Variants in MYO7B observed in about 807,000 individuals in gnomAD.
MYO7B encodes unconventional myosin-VIIb.
Under a neutral mutation model 259.7 loss-of-function variants are expected in MYO7B, and 212 were observed. The observed-to-expected ratio is 0.82, with a 90% CI of 0.73 to 0.91. MYO7B has a LOEUF of 0.91. MYO7B is among the 40% of genes least tolerant of loss of function. The probability of loss-of-function intolerance (pLI) is 0.00; values close to 1 mark genes in which losing one functional copy is unlikely to be tolerated. For missense variants in MYO7B, 2,732 were observed against 2,813.5 expected (o/e 0.97, Z 0.66); for synonymous variants, 1,197 against 1,166.4 (o/e 1.03, Z -0.54).
At chr2:127,583,939 G>A (rs1245375471) in intron 12 of MYO7B, among the ~76,000 whole-genome samples, 183 bp from the exon 13 acceptor site, 3 of 132,014 alleles carry the variant, frequency 2.3e-5, no homozygotes, top group Non-Finnish European at 5.2e-5. Context: ...AGTGATGGAG[G>A]CAGACAGAGG....
chr2:127,546,227 T>A lies in MYO7B; in HGVS notation c.-24+10396T>A, dbSNP rs573892556. 2.6e-5 allele frequency among the ~76,000 whole-genome samples: 4 copies of A among 152,330 alleles called. No homozygotes were observed. Among genetic ancestry groups the A allele is most frequent in the African/African-American group, 9.6e-5 (4 of 41,580 alleles). Reference sequence around the variant, plus strand: ...GGTATCCCATAGGCCAGAGTCTCAATGTTAGCTTTGCTTCTTGGACCCCTG... The same window carrying A: ...GGTATCCCATAGGCCAGAGTCTCAAAGTTAGCTTTGCTTCTTGGACCCCTG... On this transcript the variant is annotated intron_variant, in intron 1 of 47. Transcript: ENST00000409816. This position sits in a 1 kb window ranked among gnomAD's most constrained non-coding sequence, Gnocchi z 4.2.
chr2:127,631,166 G>T (rs1158413112), intron 36 of MYO7B, 40 bp from the exon 37 acceptor site: 1 of 1,544,052 alleles, frequency 6.5e-7, no homozygotes, highest in Non-Finnish European at 8.8e-7. Flanking sequence ...GGACAGAGAA[G>T]GCCACAGGGC....
chr2:127,547,614 G>A (rs1693286252), intron 1 of MYO7B, among the ~76,000 whole-genome samples: 1 of 152,180 alleles, frequency 6.6e-6, no homozygotes, highest in Non-Finnish European at 1.5e-5. Context: ...TGGGAGGCAT[G>A]ACACGGTCAA....
rs542089962 is a variant in MYO7B, at chr2:127,619,374, G to T, written c.3399-966G>T. On this transcript the variant is annotated intron_variant, in intron 26 of 47. Transcript: ENST00000409816. Reference sequence around the variant, plus strand: ...CTGGGTGGTGGGCGCCAGCTGAGTAGTGGGTGCCGGCTGGGTGGTGGGGGC... The same window carrying T: ...CTGGGTGGTGGGCGCCAGCTGAGTATTGGGTGCCGGCTGGGTGGTGGGGGC... Among the ~76,000 whole-genome samples the T allele has an allele frequency of 4.1e-5, 6 of 144,810 alleles. No homozygotes were observed. The South Asian group carries it at 6.8e-4, about 16-fold the overall frequency.
chr2:127,588,519 C>A lies in MYO7B; in HGVS notation c.1818C>A (p.Thr606=), dbSNP rs755237539. 1.2e-6 allele frequency: 2 copies of A among 1,613,188 alleles called. No homozygotes were observed. Among genetic ancestry groups the A allele is most frequent in the Non-Finnish European group, 1.7e-6 (2 of 1,179,874 alleles). Residue 606 remains threonine, a synonymous_variant, in exon 15 of 48, where the codon ACC becomes ACA. Transcript: ENST00000409816. The stretch of plus-strand genomic sequence containing the variant: ...CAGAGACCAAGCTGGGCCATGGGAC[C>A]ATCCGCCAGGCAAAGGCAGGAAACC... The part of the protein sequence containing the change: ...ELAETKLGHG[T]IRQAKAGNHL...
At chr2:127,634,572 T>C in intron 41 of MYO7B, 24 bp from the exon 42 acceptor site, 1 of 1,598,838 alleles carries the variant, frequency 6.3e-7, no homozygotes. Flanking sequence ...CCACCCAACT[T>C]CCCTGTACCT....
intron 40 of MYO7B, among the ~76,000 whole-genome samples, chr2:127,633,900 C>T (rs1681650381): frequency 6.6e-6 from 1 of 152,188 alleles, no homozygotes; most frequent in Non-Finnish European, 1.5e-5. Flanking sequence ...CCTTGATATT[C>T]GGGTCCCGGT....
At chr2:127,573,061 TCTG>T (rs1158896214) in intron 6 of MYO7B, among the ~76,000 whole-genome samples, 1 of 152,184 alleles carries the variant, frequency 6.6e-6, no homozygotes, top group Non-Finnish European at 1.5e-5. Context: ...TCTCAGAGGC[TCTG>T]CTGTGCATTG....
At position 127,615,996 on chromosome 2, in the gene MYO7B, C is replaced by G. The variant is rs183620191; in HGVS notation, c.3398+3393C>G. 6.6e-6 allele frequency among the ~76,000 whole-genome samples: 1 copy of G among 152,326 alleles called. No individual in the cohort carries two copies. Among genetic ancestry groups the G allele is most frequent in the East Asian group, 1.9e-4 (1 of 5,194 alleles). Reference sequence around the variant, plus strand: ...TCCTGTGAAAACACAAGCATACCCTCGTTCCCACAATAGTAAATCTCCTGA... The same window carrying G: ...TCCTGTGAAAACACAAGCATACCCTGGTTCCCACAATAGTAAATCTCCTGA... On this transcript the variant is annotated intron_variant, in intron 26 of 47. Transcript: ENST00000409816. The surrounding 1 kb of genome is among the most constrained non-coding windows in gnomAD (Gnocchi z 4.4).
chr2:127,616,400 G>T (rs563295567), intron 26 of MYO7B, among the ~76,000 whole-genome samples: 2 of 152,042 alleles, frequency 1.3e-5, no homozygotes, highest in Non-Finnish European at 2.9e-5. Flanking sequence ...TTCTTCTTAC[G>T]TAGAGAAGGG....
At chr2:127,595,832 G>A (rs1679750000) in intron 18 of MYO7B, among the ~76,000 whole-genome samples, 1 of 152,216 alleles carries the variant, frequency 6.6e-6, no homozygotes, top group Admixed American at 6.5e-5. Context: ...TAGTCTGAGA[G>A]ACTGTTATGT....
chr2:127,565,406 G>T (rs765956884), intron 4 of MYO7B, 21 bp downstream of exon 4: 1 of 1,611,918 alleles, frequency 6.2e-7, no homozygotes, highest in East Asian at 2.2e-5. Flanking sequence ...CCAGCCCTGT[G>T]TCCACAGGGG....
In MYO7B at chr2:127,577,808, G is replaced by T. The variant is rs1678935468; in HGVS notation, c.850-325G>T. Among the ~76,000 whole-genome samples the T allele has an allele frequency of 6.6e-6, 1 of 152,236 alleles. No homozygotes were observed. The highest frequency in any genetic ancestry group is 1.5e-5 in the Non-Finnish European group (1 of 68,036). ...AGGGCCTGGCCCATGGCGAGCCATG[G>T]AAAGTGTTTCTTAAAGGAACAAACC... On this transcript the variant is annotated intron_variant, in intron 8 of 47. Transcript: ENST00000409816. The surrounding 1 kb of genome is among the most constrained non-coding windows in gnomAD (Gnocchi z 5.2).
intron 1 of MYO7B, among the ~76,000 whole-genome samples, chr2:127,541,739 A>G (rs1256011395): frequency 6.6e-6 from 1 of 152,144 alleles, no homozygotes; most frequent in Non-Finnish European, 1.5e-5. Context: ...CCCCAGCCCC[A>G]TATTTCCCCT....
At chr2:127,543,326 T>C (rs1323246956) in intron 1 of MYO7B, among the ~76,000 whole-genome samples, 1 of 140,534 alleles carries the variant, frequency 7.1e-6, no homozygotes, top group African/African-American at 2.9e-5. Flanking sequence ...CTTCAAGCAC[T>C]TTTTTTTTTT....
At position 127,627,322 on chromosome 2, in the gene MYO7B, G is replaced by GA; in HGVS notation, c.4460+13dup. 1 of 1,612,702 alleles carries GA rather than the reference G, an allele frequency of 6.2e-7. No homozygotes were observed. Among genetic ancestry groups the GA allele is most frequent in the Non-Finnish European group, 8.5e-7 (1 of 1,179,648 alleles). ...CTGGCCACCAACAGGTGCGGGCCCT[G>GA]AGGGAAGATCTCTTCTTACACACTG... On this transcript the variant is annotated intron_variant, in intron 33 of 47. Coordinates refer to ENST00000409816, the MANE Select transcript of MYO7B (RefSeq NM_001393586.1). The surrounding 1 kb of genome is among the most constrained non-coding windows in gnomAD (Gnocchi z 5.6).
chr2:127,540,105 T>C, intron 1 of MYO7B, among the ~76,000 whole-genome samples: 1 of 152,202 alleles, frequency 6.6e-6, no homozygotes, highest in Non-Finnish European at 1.5e-5. Flanking sequence ...GTTGGTTCCA[T>C]ATCTTTGCAA....
At chr2:127,637,083 C>A in intron 47 of MYO7B, 170 bp downstream of exon 47, 1 of 1,231,642 alleles carries the variant, frequency 8.1e-7, no homozygotes, top group Non-Finnish European at 1.2e-6. Context: ...GACCAGCAGC[C>A]AAGGTGGCAA....
rs1244416739 is a variant in MYO7B at position 127,590,225 on chromosome 2, C to T, written c.1988C>T (p.Pro663Leu). 7 of 1,612,748 alleles carry T rather than the reference C, an allele frequency of 4.3e-6. No homozygotes were observed. The highest frequency in any genetic ancestry group is 5.9e-6 in the Non-Finnish European group (7 of 1,179,748). Residue 663 changes from proline (P) to leucine (L), a missense_variant, in exon 16 of 48, where the codon CCG becomes CTG. By Grantham distance (98) the Pro-to-Leu change is moderately conservative. Around this residue, in one of 3 missense-constraint regions of MYO7B, gnomAD observed 1,906 missense variants for 2,026.4 expected, o/e 0.94. Coordinates refer to ENST00000409816, the MANE Select transcript of MYO7B (RefSeq NM_001393586.1). The surrounding 1 kb of genome is among the most constrained non-coding windows in gnomAD (Gnocchi z 4.6). ...RCIKPNEYKK[P>L]LLFDRELCLR... Reference sequence around the variant, plus strand: ...ATCAAACCTAATGAGTACAAGAAGCCGCTGGTAATGACAGGAGGCTGGGGC... The same window carrying T: ...ATCAAACCTAATGAGTACAAGAAGCTGCTGGTAATGACAGGAGGCTGGGGC...
Sources: allele counts gnomAD v4.1 joint callset (sites outside exome capture counted in the v4.1 genomes callset), GRCh38; gene constraint gnomAD v4.1.1; regional missense constraint gnomAD v4.1.1; non-coding constraint Gnocchi (gnomAD v3.1); transcripts MANE v1.5; gene names NCBI Gene and HGNC (gene_info 2026-07-23, HGNC 2026-07-21).